The following KIT variants were observed in gnomAD, a reference collection of about 807,000 sequenced individuals.
The protein encoded by KIT is KIT proto-oncogene, receptor tyrosine kinase.
In KIT, 16 loss-of-function variants were observed where a neutral mutation model predicts 105.7. The observed-to-expected ratio is 0.15, with a 90% CI of 0.10 to 0.23. KIT has a LOEUF of 0.23. KIT is among the 10% of genes least tolerant of loss of function. The pLI is 1.00. For missense variants in KIT, 858 were observed against 1,213.8 expected (o/e 0.71, Z 4.36); for synonymous variants, 438 against 441.1 (o/e 0.99, Z 0.09).
At chr4:54,661,226 G>A (rs1717242803) in intron 1 of KIT, among the ~76,000 whole-genome samples, 1 of 152,124 alleles carries the variant, frequency 6.6e-6, no homozygotes, top group Non-Finnish European at 1.5e-5. Context: ...TATTTACCCT[G>A]GATAGCATGG....
At chr4:54,694,903 G>A (rs1437043852) in intron 1 of KIT, among the ~76,000 whole-genome samples, 2 of 152,150 alleles carry the variant, frequency 1.3e-5, no homozygotes. Flanking sequence ...AAACTAAATA[G>A]TTTCCTATCT....
intron 1 of KIT, among the ~76,000 whole-genome samples, chr4:54,663,760 C>G (rs1717473517): frequency 6.6e-6 from 1 of 152,170 alleles, no homozygotes; most frequent in Admixed American, 6.5e-5. Context: ...ACTGCTTTCA[C>G]TAGGAGTTCA....
chr4:54,728,906 C>T (rs995842693), intron 13 of KIT, among the ~76,000 whole-genome samples: 1 of 152,206 alleles, frequency 6.6e-6, no homozygotes, highest in African/African-American at 2.4e-5. Flanking sequence ...CAGCTGGCTG[C>T]TCCTTGTGGC....
rs1722953612 is a variant in KIT, at chr4:54,736,902, GT to G, written c.2696+86del. On this transcript the variant is annotated intron_variant, in intron 19 of 20. Transcript: ENST00000288135. Reference sequence around the variant, plus strand: ...AGAGACAGAAACCCAGATGTTGAGGGTTTTCATAACACAGTTTGAAATGTCA... The same window carrying G: ...AGAGACAGAAACCCAGATGTTGAGGGTTTCATAACACAGTTTGAAATGTCA... 8.9e-6 allele frequency: 9 copies of G among 1,016,772 alleles called. No homozygotes were observed. In the East Asian group the frequency reaches 2.0e-4, roughly 23 times the overall value. The allele number at this position is 1,016,772 out of a possible 1,614,324, so 63.0% of individuals were successfully genotyped here. A position where few individuals can be genotyped will look rare whatever the true frequency, so the allele number is the denominator to read the frequency against.
At chr4:54,731,234 T>C (rs1722571531) in intron 14 of KIT, 94 bp from the exon 15 acceptor site, 1 of 849,538 alleles carries the variant, frequency 1.2e-6, no homozygotes. Context: ...CAGTCTATTA[T>C]GTAGCAAAGG....
intron 4 of KIT, among the ~76,000 whole-genome samples, chr4:54,703,299 A>G (rs1473983298): frequency 6.6e-6 from 1 of 152,232 alleles, no homozygotes; most frequent in East Asian, 1.9e-4. Context: ...TTTTAATAAA[A>G]TAGAACATTA....
intron 8 of KIT, among the ~76,000 whole-genome samples, chr4:54,725,102 TTTG>T (rs748069596): frequency 5.1e-4 from 78 of 152,008 alleles, no homozygotes; most frequent in African/African-American, 1.5e-3. Flanking sequence ...CATCCTTGAT[TTTG>T]TTGTTGTTGT....
intron 13 of KIT, 37 bp downstream of exon 13, chr4:54,728,158 AG>A: frequency 7.0e-7 from 1 of 1,420,626 alleles, no homozygotes; most frequent in Non-Finnish European, 1.0e-6. Context: ...ATTGTCTGTC[AG>A]GTTATCAAAA....
At chr4:54,699,034 C>T (rs1720275412) in intron 3 of KIT, among the ~76,000 whole-genome samples, 3 of 152,296 alleles carry the variant, frequency 2.0e-5, no homozygotes, top group Middle Eastern at 6.8e-3. Context: ...GACTGTGGAA[C>T]TTGTTATGGT....
At chr4:54,731,537 G>A in intron 15 of KIT, 118 bp downstream of exon 15, 2 of 816,160 alleles carry the variant, frequency 2.5e-6, no homozygotes, top group Non-Finnish European at 2.1e-6. Context: ...CTGCTTTATG[G>A]TAGCAGTGCC....
At chr4:54,685,100 C>T (rs1719217585) in intron 1 of KIT, among the ~76,000 whole-genome samples, 1 of 152,154 alleles carries the variant, frequency 6.6e-6, no homozygotes. Context: ...TCTCCTTTAG[C>T]AGTGGAGTCA....
At chr4:54,704,915 G>A (rs569631034) in intron 5 of KIT, among the ~76,000 whole-genome samples, 26 of 152,102 alleles carry the variant, frequency 1.7e-4, no homozygotes, top group Non-Finnish European at 2.9e-4. Context: ...CAATAATCTC[G>A]TAAAATTTTG....
At chr4:54,702,362 A>T (rs1720508974) in intron 4 of KIT, among the ~76,000 whole-genome samples, 2 of 152,134 alleles carry the variant, frequency 1.3e-5, no homozygotes, top group African/African-American at 2.4e-5. Flanking sequence ...TAACATAAAA[A>T]TTACTAATTA....
intron 1 of KIT, among the ~76,000 whole-genome samples, chr4:54,668,817 T>A (rs2109560724): frequency 6.6e-6 from 1 of 152,264 alleles, no homozygotes; most frequent in African/African-American, 2.4e-5. Flanking sequence ...AAGACTGAAG[T>A]AAAGATAGTA....
chr4:54,690,061 G>GC (rs1321304858), intron 1 of KIT, among the ~76,000 whole-genome samples: 1 of 137,508 alleles, frequency 7.3e-6, no homozygotes, highest in African/African-American at 2.5e-5. Flanking sequence ...TTTTTTGTGG[G>GC]GGGGGGGGGC....
At chr4:54,728,214 CT>C in intron 13 of KIT, 93 bp downstream of exon 13, 1 of 922,266 alleles carries the variant, frequency 1.1e-6, no homozygotes, top group East Asian at 2.6e-5. Context: ...TTATAAACTG[CT>C]TGGAAGATTT....
At chr4:54,711,283 T>G (rs763902129) in intron 7 of KIT, among the ~76,000 whole-genome samples, 21 of 152,230 alleles carry the variant, frequency 1.4e-4, no homozygotes, top group Non-Finnish European at 1.8e-4. Context: ...CTGGACAGAT[T>G]TTTTATTGCT....
At chr4:54,726,944 A>G (rs1244623487) in intron 9 of KIT, among the ~76,000 whole-genome samples, 6 of 152,162 alleles carry the variant, frequency 3.9e-5, no homozygotes, top group Admixed American at 3.9e-4. Context: ...GTGCATTCAG[A>G]TGTTGCTTTT....
chr4:54,724,517 G>A (rs943541131), intron 8 of KIT, among the ~76,000 whole-genome samples: 1 of 152,114 alleles, frequency 6.6e-6, no homozygotes, highest in African/African-American at 2.4e-5. Context: ...GGGAGGAATG[G>A]CCACAGCAGA....
Sources: gnomAD v4.1 joint callset for allele counts (sites outside exome capture counted in the v4.1 genomes callset) on GRCh38, gnomAD v4.1.1 for gene constraint, MANE v1.5 for transcripts, NCBI Gene and HGNC (gene_info 2026-07-23, HGNC 2026-07-21) for gene names.